NHS: variants seen among roughly 807,000 people sequenced by gnomAD.
The protein encoded by NHS is NHS actin remodeling regulator.
NHS carries 5 observed loss-of-function variants against 72.5 expected under a neutral mutation model. That is an observed-to-expected ratio of 0.07 (90% CI 0.04 to 0.14). NHS has a LOEUF of 0.14. Ranked by LOEUF, NHS falls within the 10% of genes least tolerant of loss-of-function variation. The pLI is 1.00. For synonymous variants in NHS, 464 were observed against 547.7 expected (o/e 0.85, Z 2.13); for missense variants, 1,072 against 1,355.7 (o/e 0.79, Z 3.29).
rs746332198 is a variant in NHS at position 17,491,094 on chromosome X, C to T, written c.565+114772C>T. Among the ~76,000 whole-genome samples the T allele has an allele frequency of 4.5e-5, 5 of 111,938 alleles. No individual in the cohort carries two copies. In the East Asian group the frequency reaches 1.4e-3, roughly 31 times the overall value. Reference sequence around the variant, plus strand: ...AAACAGAGACAATTTGACTTCCTCTCTTTCTATTTGAATATCCTTTATTGC... The same window carrying T: ...AAACAGAGACAATTTGACTTCCTCTTTTTCTATTTGAATATCCTTTATTGC... On this transcript the variant is annotated intron_variant, in intron 1 of 8. Coordinates refer to ENST00000676302, the MANE Select transcript of NHS (RefSeq NM_001291867.2).
At chrX:17,692,896 C>T (rs2066206112) in intron 3 of NHS, among the ~76,000 whole-genome samples, 1 of 110,303 alleles carries the variant, frequency 9.1e-6, no homozygotes, top group African/African-American at 3.3e-5. Flanking sequence ...AGTGCTTAGC[C>T]CAATGACTGA....
chrX:17,702,161 CATAA>C (rs914737105), intron 3 of NHS, among the ~76,000 whole-genome samples: 14 of 110,291 alleles, frequency 1.3e-4, no homozygotes, highest in Non-Finnish European at 2.5e-4. Context: ...TATATCCCCC[CATAA>C]ATAAATAATT....
At chrX:17,626,250 A>G (rs2065797761) in intron 1 of NHS, among the ~76,000 whole-genome samples, 1 of 111,674 alleles carries the variant, frequency 9.0e-6, no homozygotes, top group South Asian at 3.7e-4. Context: ...AAACTTACTC[A>G]TTCTCATTAT....
At chrX:17,648,187 A>G (rs192429248) in intron 1 of NHS, among the ~76,000 whole-genome samples, 6 of 111,595 alleles carry the variant, frequency 5.4e-5, no homozygotes, top group Non-Finnish European at 7.5e-5. Flanking sequence ...AGCTCTGTGG[A>G]GTTTGCTTAT....
intron 1 of NHS, among the ~76,000 whole-genome samples, chrX:17,630,290 G>A (rs969022671): frequency 9.5e-6 from 1 of 105,000 alleles, no homozygotes; most frequent in Non-Finnish European, 1.9e-5. Context: ...AACCCTTCCT[G>A]CAAGTTAAAC....
At chrX:17,537,658 C>G (rs1432464583) in intron 1 of NHS, among the ~76,000 whole-genome samples, 1 of 112,209 alleles carries the variant, frequency 8.9e-6, no homozygotes, top group African/African-American at 3.2e-5. Flanking sequence ...GGTGTCTGGC[C>G]TAGCAGTGAC....
chrX:17,713,643 TAAC>T (rs368606145), intron 3 of NHS, among the ~76,000 whole-genome samples: 2 of 111,906 alleles, frequency 1.8e-5, no homozygotes, highest in African/African-American at 6.5e-5. Context: ...ATATAAAATA[TAAC>T]TCAAAAGAAA....
At chrX:17,630,140 G>A (rs1347247396) in intron 1 of NHS, among the ~76,000 whole-genome samples, 8 of 99,843 alleles carry the variant, frequency 8.0e-5, no homozygotes, top group African/African-American at 3.0e-4. Context: ...CTTAGCATGC[G>A]AATGATAACC....
intron 1 of NHS, among the ~76,000 whole-genome samples, chrX:17,543,691 C>A (rs2065275980): frequency 8.9e-6 from 1 of 111,803 alleles, no homozygotes; most frequent in African/African-American, 3.3e-5. Context: ...AAATCAAAGA[C>A]TATTACTATC....
At chrX:17,723,395 C>G (rs1164449308) in intron 5 of NHS, among the ~76,000 whole-genome samples, 1 of 111,898 alleles carries the variant, frequency 8.9e-6, no homozygotes, top group Non-Finnish European at 1.9e-5. Context: ...CACCTCCCCT[C>G]TCATCATTCT....
chrX:17,697,002 C>T (rs1367403521), intron 3 of NHS, among the ~76,000 whole-genome samples: 10 of 111,211 alleles, frequency 9.0e-5, no homozygotes, highest in Non-Finnish European at 1.5e-4. Flanking sequence ...TCTAAAACCA[C>T]CACCAGAAAA....
rs989320965 is a variant in NHS, at chrX:17,432,947, A to G, written c.565+56625A>G. Reference sequence around the variant, plus strand: ...TGAGTTCAGTTCAAAGAACAGGTTGATATTAAAGTTTTATTGGAGTTCAAC... The same window carrying G: ...TGAGTTCAGTTCAAAGAACAGGTTGGTATTAAAGTTTTATTGGAGTTCAAC... On this transcript the variant is annotated intron_variant, in intron 1 of 8. Transcript: ENST00000676302. Among the ~76,000 whole-genome samples, 6 of 112,251 alleles carry G rather than the reference A, an allele frequency of 5.3e-5. No homozygotes were observed. In the East Asian group the frequency reaches 1.7e-3, roughly 31 times the overall value.
chrX:17,722,819 C>T (rs149135292), intron 5 of NHS, among the ~76,000 whole-genome samples: 557 of 110,957 alleles, frequency 5.0e-3, no homozygotes, highest in Non-Finnish European at 8.8e-3. Context: ...ATTAGCAGCA[C>T]GTGCTTTTTT....
intron 1 of NHS, among the ~76,000 whole-genome samples, chrX:17,505,696 G>A (rs1258506752): frequency 9.1e-6 from 1 of 109,452 alleles, no homozygotes; most frequent in Admixed American, 9.8e-5. Flanking sequence ...GAGCCAAGCA[G>A]TGAGAGAACA....
At chrX:17,596,051 A>G (rs1383177011) in intron 1 of NHS, among the ~76,000 whole-genome samples, 1 of 111,797 alleles carries the variant, frequency 8.9e-6, no homozygotes, top group Non-Finnish European at 1.9e-5. Context: ...CAAAAAAAAA[A>G]AGATGAAGAT....
chrX:17,544,540 CTCTG>C (rs1047796696), intron 1 of NHS, among the ~76,000 whole-genome samples: 4 of 111,628 alleles, frequency 3.6e-5, no homozygotes, highest in African/African-American at 9.8e-5. Context: ...GAGATAGAGT[CTCTG>C]TCTGTTGCCC....
chrX:17,550,026 A>G (rs1360270743), intron 1 of NHS, among the ~76,000 whole-genome samples: 1 of 111,941 alleles, frequency 8.9e-6, no homozygotes, highest in Non-Finnish European at 1.9e-5. Flanking sequence ...CTGTAGGGTC[A>G]TGATTTTTCT....
At chrX:17,546,684 A>G (rs746185457) in intron 1 of NHS, among the ~76,000 whole-genome samples, 3 of 112,566 alleles carry the variant, frequency 2.7e-5, no homozygotes, top group Non-Finnish European at 5.6e-5. Context: ...GCACACATAT[A>G]TGCACGTGAC....
intron 1 of NHS, among the ~76,000 whole-genome samples, chrX:17,648,505 T>C (rs1376999982): frequency 8.9e-6 from 1 of 112,655 alleles, no homozygotes. Flanking sequence ...CATATCTTGC[T>C]GGGAAGAGCT....
Sources: allele counts gnomAD v4.1 joint callset (sites outside exome capture counted in the v4.1 genomes callset), GRCh38; gene constraint gnomAD v4.1.1; transcripts MANE v1.5; gene names NCBI Gene and HGNC (gene_info 2026-07-23, HGNC 2026-07-21).